ACOT7: variants seen among roughly 807,000 people sequenced by gnomAD.
ACOT7 encodes the protein cytosolic acyl coenzyme A thioester hydrolase.
ACOT7 carries 12 observed loss-of-function variants against 40.2 expected under a neutral mutation model. That is an observed-to-expected ratio of 0.30 (90% CI 0.19 to 0.48). ACOT7 has a LOEUF of 0.48. Ranked by LOEUF, ACOT7 falls within the 20% of genes least tolerant of loss-of-function variation. The probability of loss-of-function intolerance (pLI) is 0.99; values close to 1 mark genes in which losing one functional copy is unlikely to be tolerated. For synonymous variants in ACOT7, 228 were observed against 219.5 expected (o/e 1.04, Z -0.34); for missense variants, 395 against 530.8 (o/e 0.74, Z 2.51).
At chr1:6,272,089 G>A (rs1296030052) in intron 8 of ACOT7, among the ~76,000 whole-genome samples, 1 of 152,232 alleles carries the variant, frequency 6.6e-6, no homozygotes, top group African/African-American at 2.4e-5. Flanking sequence ...TGCCCACTGT[G>A]GGCTAGGCCT....
Position 6,330,221 on chromosome 1 carries a change from G to A in ACOT7, c.511-2808C>T, listed in dbSNP as rs974572837. On this transcript the variant is annotated intron_variant, in intron 4 of 8. Coordinates refer to ENST00000361521, the MANE Select transcript of ACOT7 (RefSeq NM_007274.4). The surrounding 1 kb of genome is among the most constrained non-coding windows in gnomAD (Gnocchi z 4.6). ...GATGGCTGTCTGTAGAAAGGTCAGC[G>A]GGAGCATGCTCATGCAATATAAGAC... Among the ~76,000 whole-genome samples, 7 of 152,202 alleles carry A rather than the reference G, an allele frequency of 4.6e-5. No homozygotes were observed. Among genetic ancestry groups the A allele is most frequent in the African/African-American group, 1.4e-4 (6 of 41,454 alleles).
intron 5 of ACOT7, among the ~76,000 whole-genome samples, chr1:6,319,204 T>A (rs986568075): frequency 2.0e-5 from 3 of 152,226 alleles, no homozygotes; most frequent in Non-Finnish European, 2.9e-5. Flanking sequence ...ACCTTTCTTT[T>A]TTTCTTGAGA....
rs75558707 is a variant in ACOT7 at position 6,324,210 on chromosome 1, A to G, written c.625+3089T>C. Among the ~76,000 whole-genome samples the G allele has an allele frequency of 7.9e-5, 12 of 152,282 alleles. No individual in the cohort carries two copies. The East Asian group carries it at 1.2e-3, about 15-fold the overall frequency. ...ATGCCACTGAGATACCGGCTCTACCAGGAAACTGGAGTCAAAGATGCAGAT... is the reference window on the plus strand; with the variant it reads ...ATGCCACTGAGATACCGGCTCTACCGGGAAACTGGAGTCAAAGATGCAGAT... On this transcript the variant is annotated intron_variant, in intron 5 of 8. Transcript: ENST00000361521.
chr1:6,307,412 C>T (rs892383295), intron 6 of ACOT7, among the ~76,000 whole-genome samples: 1 of 152,232 alleles, frequency 6.6e-6, no homozygotes, highest in Admixed American at 6.5e-5. Flanking sequence ...AGTGGGAATG[C>T]AGGAGTGAAC....
chr1:6,276,996 C>CCA (rs879479586), intron 8 of ACOT7, among the ~76,000 whole-genome samples: 4 of 152,196 alleles, frequency 2.6e-5, no homozygotes, highest in Admixed American at 2.6e-4. Flanking sequence ...GACCACCCCC[C>CCA]CCCAGGGTAT....
chr1:6,336,040 C>G (rs944318164), intron 3 of ACOT7, among the ~76,000 whole-genome samples: 1 of 152,100 alleles, frequency 6.6e-6, no homozygotes, highest in African/African-American at 2.4e-5. Flanking sequence ...CAAAAGACAA[C>G]GGCAGTATTA....
chr1:6,304,785 T>C (rs536525404), intron 6 of ACOT7, among the ~76,000 whole-genome samples: 255 of 135,948 alleles, frequency 1.9e-3, no homozygotes, highest in Non-Finnish European at 3.0e-3. Context: ...AAGTCTCCCA[T>C]GTCTACCTCT....
intron 1 of ACOT7, among the ~76,000 whole-genome samples, chr1:6,363,421 TCAGTCAG>T: frequency 6.6e-6 from 1 of 152,228 alleles, no homozygotes; most frequent in South Asian, 2.1e-4. Context: ...GGGCCTGACA[TCAGTCAG>T]GCCTGCCCGC....
chr1:6,359,059 G>T lies in ACOT7; in HGVS notation c.144-9193C>A. On this transcript the variant is annotated intron_variant, in intron 1 of 8. Coordinates refer to ENST00000361521, the MANE Select transcript of ACOT7 (RefSeq NM_007274.4). This position sits in a 1 kb window ranked among gnomAD's most constrained non-coding sequence, Gnocchi z 4.1. ...CGTCTACCAGAAACCGGTCGTCATG[G>T]AAACCTTGCTTTATAAATAATTACA... 1.6e-6 allele frequency: 1 copy of T among 613,562 alleles called. No individual in the cohort carries two copies. The highest frequency in any genetic ancestry group is 2.7e-6 in the Non-Finnish European group (1 of 372,094). The allele number at this position is 613,562 out of a possible 1,614,324, so 38.0% of individuals were successfully genotyped here.
At chr1:6,350,678 C>A (rs1323153521) in intron 1 of ACOT7, among the ~76,000 whole-genome samples, 1 of 152,346 alleles carries the variant, frequency 6.6e-6, no homozygotes, top group East Asian at 1.9e-4. Flanking sequence ...GAGTGACAGG[C>A]AGCGGGCACA....
chr1:6,376,775 A>C (rs1359491967), intron 1 of ACOT7, among the ~76,000 whole-genome samples: 1 of 151,492 alleles, frequency 6.6e-6, no homozygotes, highest in Non-Finnish European at 1.5e-5. Context: ...GGGCACCTGT[A>C]GTCCCAGCTA....
intron 6 of ACOT7, among the ~76,000 whole-genome samples, chr1:6,310,502 T>G (rs1428325939): frequency 6.6e-6 from 1 of 152,214 alleles, no homozygotes; most frequent in Non-Finnish European, 1.5e-5. Flanking sequence ...TGGTGTCCAA[T>G]GCTCTGGAGA....
In ACOT7 at chr1:6,358,737, C is replaced by T; in HGVS notation, c.144-8871G>A. 8 of 1,407,012 alleles carry T rather than the reference C, an allele frequency of 5.7e-6. No individual in the cohort carries two copies. Among genetic ancestry groups the T allele is most frequent in the Non-Finnish European group, 8.0e-6 (8 of 999,468 alleles). 87.2% of individuals were successfully genotyped at this position (1,407,012 alleles called of 1,614,324 possible). The stretch of plus-strand genomic sequence containing the variant: ...CTGCTGGGCACAGGGGCCGAGTCCC[C>T]TCTACCCACCCTTCCCTTCCAAATG... On this transcript the variant is annotated intron_variant, in intron 1 of 8. Transcript: ENST00000361521. The surrounding 1 kb of genome is among the most constrained non-coding windows in gnomAD (Gnocchi z 4.1).
chr1:6,384,053 T>G (rs975879512), intron 1 of ACOT7, among the ~76,000 whole-genome samples: 2 of 151,914 alleles, frequency 1.3e-5, no homozygotes, highest in Admixed American at 6.5e-5. Flanking sequence ...TCTTGCTATG[T>G]TGCCCAGGCT....
chr1:6,392,788 C>T (rs1642553866), intron 1 of ACOT7, among the ~76,000 whole-genome samples: 1 of 152,214 alleles, frequency 6.6e-6, no homozygotes, highest in Admixed American at 6.5e-5. Flanking sequence ...CACCTCCCCT[C>T]CACCTCTGGG....
Position 6,379,282 on chromosome 1 carries a change from T to C in ACOT7, c.143+13975A>G, listed in dbSNP as rs184770413. On this transcript the variant is annotated intron_variant, in intron 1 of 8. Coordinates refer to ENST00000361521, the MANE Select transcript of ACOT7 (RefSeq NM_007274.4). ...TCAAAGAAAGGATGCAGCGGCTGTC[T>C]TTGGCCTCCACTTGCCAGCTGTGAC... Among the ~76,000 whole-genome samples the C allele has an allele frequency of 2.0e-5, 3 of 151,976 alleles. No homozygotes were observed. The East Asian group carries it at 5.8e-4, about 29-fold the overall frequency.
In ACOT7 at chr1:6,330,296, C is replaced by T. The variant is rs114381431; in HGVS notation, c.511-2883G>A. On this transcript the variant is annotated intron_variant, in intron 4 of 8. Coordinates refer to ENST00000361521, the MANE Select transcript of ACOT7 (RefSeq NM_007274.4). The surrounding 1 kb of genome is among the most constrained non-coding windows in gnomAD (Gnocchi z 4.6). Reference sequence around the variant, plus strand: ...GATGGGCATAAATGCCCATCGGAGCCAGGGAAGGAAGCTGTACTTTCTGGG... The same window carrying T: ...GATGGGCATAAATGCCCATCGGAGCTAGGGAAGGAAGCTGTACTTTCTGGG... 0.03 allele frequency among the ~76,000 whole-genome samples: 4,535 copies of T among 152,230 alleles called. 239 individuals carry two copies. Among genetic ancestry groups the T allele is most frequent in the African/African-American group, 0.1 (4,297 of 41,520 alleles).
intron 1 of ACOT7, among the ~76,000 whole-genome samples, chr1:6,391,760 T>TG (rs1642537019): frequency 6.6e-6 from 1 of 152,034 alleles, no homozygotes; most frequent in Admixed American, 6.6e-5. Context: ...AAACTGCCAT[T>TG]TCCTCCTCCA....
chr1:6,304,317 C>CAA (rs112875652), intron 6 of ACOT7, among the ~76,000 whole-genome samples: 51 of 110,926 alleles, frequency 4.6e-4, no homozygotes, highest in Non-Finnish European at 6.9e-4. Flanking sequence ...AATGTGGCAC[C>CAA]AAAAAAAAAA....
Sources: allele counts gnomAD v4.1 joint callset (sites outside exome capture counted in the v4.1 genomes callset), GRCh38; gene constraint gnomAD v4.1.1; non-coding constraint Gnocchi (gnomAD v3.1); transcripts MANE v1.5; gene names NCBI Gene and HGNC (gene_info 2026-07-23, HGNC 2026-07-21).